Variants in NTM observed in about 807,000 individuals in gnomAD.
The protein encoded by NTM is IgLON family member 2.
In NTM, 13 loss-of-function variants were observed where a neutral mutation model predicts 42.1. That is an observed-to-expected ratio of 0.31 (90% CI 0.20 to 0.49). NTM has a LOEUF of 0.49. NTM is among the 20% of genes least tolerant of loss of function. The probability of loss-of-function intolerance (pLI) is 0.99; values close to 1 mark genes in which losing one functional copy is unlikely to be tolerated. For missense variants in NTM, 373 were observed against 452.8 expected, an observed-to-expected ratio of 0.82 and a Z score of 1.60; for synonymous variants, 187 against 179.2, an observed-to-expected ratio of 1.04 and a Z score of -0.35.
At chr11:132,123,919 C>T (rs1341816918) in intron 2 of NTM, among the ~76,000 whole-genome samples, 1 of 152,162 alleles carries the variant, frequency 6.6e-6, no homozygotes, top group Non-Finnish European at 1.5e-5. Flanking sequence ...AGAGTTGTAC[C>T]TTGCCTTAGA....
chr11:131,656,942 C>T (rs1280081778), intron 1 of NTM, among the ~76,000 whole-genome samples: 1 of 151,990 alleles, frequency 6.6e-6, no homozygotes, highest in African/African-American at 2.4e-5. Flanking sequence ...CCGTGAGCCA[C>T]CGTGGTGGTC....
chr11:131,471,341 T>C (rs1359286577), intron 1 of NTM, among the ~76,000 whole-genome samples: 1 of 152,218 alleles, frequency 6.6e-6, no homozygotes, highest in Non-Finnish European at 1.5e-5. Context: ...GTGCTCTCTG[T>C]CAGGCACTGT....
chr11:132,330,722 A>C (rs2095787512), intron 8 of NTM, among the ~76,000 whole-genome samples: 1 of 152,068 alleles, frequency 6.6e-6, no homozygotes, highest in Non-Finnish European at 1.5e-5. Flanking sequence ...GATAATTGAC[A>C]CTCATCACCG....
rs1202536422 is a variant in NTM, at chr11:132,144,355, C to T, written c.168-1927C>T. Among the ~76,000 whole-genome samples, 6 of 152,152 alleles carry T rather than the reference C, an allele frequency of 3.9e-5. No individual in the cohort carries two copies. The East Asian group carries it at 1.2e-3, about 29-fold the overall frequency. On this transcript the variant is annotated intron_variant, in intron 2 of 8. Coordinates refer to ENST00000683400, the MANE Select transcript of NTM (RefSeq NM_001352005.2). ...GAAATCCCCAGGGGGCTCATGTGCA[C>T]CGTAAAGCTTGAGAAACATGTGGAG...
At chr11:131,567,891 G>A (rs549388146) in intron 1 of NTM, among the ~76,000 whole-genome samples, 2 of 152,194 alleles carry the variant, frequency 1.3e-5, no homozygotes, top group African/African-American at 2.4e-5. Flanking sequence ...ACAGACATTT[G>A]TAGTGACAGA....
At chr11:132,173,489 A>G (rs1220267279) in intron 3 of NTM, among the ~76,000 whole-genome samples, 3 of 152,200 alleles carry the variant, frequency 2.0e-5, no homozygotes, top group East Asian at 1.9e-4. Flanking sequence ...CATTGCTGCC[A>G]CTATTCTTGT....
At chr11:131,962,813 C>A (rs984969337) in intron 2 of NTM, among the ~76,000 whole-genome samples, 2 of 152,244 alleles carry the variant, frequency 1.3e-5, no homozygotes, top group Admixed American at 1.3e-4. Flanking sequence ...GAAAACATCC[C>A]TCCCTCCTTC....
intron 1 of NTM, among the ~76,000 whole-genome samples, chr11:131,714,037 T>C (rs1251404632): frequency 3.3e-5 from 5 of 152,194 alleles, no homozygotes; most frequent in African/African-American, 1.2e-4. Flanking sequence ...CACTTGAGGC[T>C]TTCTTCCCTT....
chr11:132,211,997 T>A (rs749474916), intron 3 of NTM, 25 bp from the exon 4 acceptor site: 1 of 1,602,114 alleles, frequency 6.2e-7, no homozygotes. Flanking sequence ...AGGATTTTTA[T>A]TTTCATTCTG....
chr11:132,334,881 G>A (rs887133669), intron 8 of NTM, 165 bp from the exon 9 acceptor site: 3 of 676,338 alleles, frequency 4.4e-6, no homozygotes, highest in African/African-American at 2.0e-5. Flanking sequence ...TTGGGGATGT[G>A]GGCCATAGAA....
intron 1 of NTM, among the ~76,000 whole-genome samples, chr11:131,643,847 AAAG>A (rs2065442179): frequency 6.6e-6 from 1 of 152,186 alleles, no homozygotes; most frequent in East Asian, 1.9e-4. Context: ...GAGAGTTGTA[AAAG>A]AAGACTGAGA....
At chr11:132,315,260 G>A (rs1168202220) in intron 7 of NTM, among the ~76,000 whole-genome samples, 6 of 152,108 alleles carry the variant, frequency 3.9e-5, no homozygotes, top group Middle Eastern at 3.2e-3. Context: ...CCCCACCTTC[G>A]TCACATATCT....
chr11:131,612,278 C>T (rs1369234605), intron 1 of NTM, among the ~76,000 whole-genome samples: 3 of 152,238 alleles, frequency 2.0e-5, no homozygotes, highest in Non-Finnish European at 4.4e-5. Context: ...AACTGCTCAG[C>T]CAGGCTGCTG....
chr11:132,318,097 T>C (rs140789768), intron 7 of NTM, among the ~76,000 whole-genome samples: 29 of 152,212 alleles, frequency 1.9e-4, no homozygotes, highest in African/African-American at 6.5e-4. Context: ...ATTCAGATAT[T>C]CTGTCAAACG....
chr11:131,657,635 G>T (rs1168679291), intron 1 of NTM, among the ~76,000 whole-genome samples: 1 of 152,198 alleles, frequency 6.6e-6, no homozygotes, highest in African/African-American at 2.4e-5. Context: ...TTATCTGTGT[G>T]CCTTGCCAGG....
intron 7 of NTM, 97 bp from the exon 8 acceptor site, chr11:132,330,056 C>G (rs1309852057): frequency 6.5e-7 from 1 of 1,527,452 alleles, no homozygotes; most frequent in African/African-American, 1.4e-5. Flanking sequence ...GCTGCTGCGC[C>G]AGGAGCGCCA....
intron 1 of NTM, among the ~76,000 whole-genome samples, chr11:131,553,718 G>A (rs554803236): frequency 3.9e-5 from 6 of 152,096 alleles, no homozygotes; most frequent in South Asian, 2.1e-4. Context: ...CTACTCTCCC[G>A]TCTATATAAT....
At chr11:132,093,171 C>A (rs937493551) in intron 2 of NTM, among the ~76,000 whole-genome samples, 1 of 152,172 alleles carries the variant, frequency 6.6e-6, no homozygotes, top group Non-Finnish European at 1.5e-5. Flanking sequence ...TTTCTACCCT[C>A]GAATCTTCAC....
chr11:131,653,264 T>C (rs1280528937), intron 1 of NTM, among the ~76,000 whole-genome samples: 1 of 89,818 alleles, frequency 1.1e-5, no homozygotes, highest in African/African-American at 3.3e-5. Context: ...GTCTCACATG[T>C]CTCCCTCCAC....
Sources: allele counts gnomAD v4.1 joint callset (sites outside exome capture counted in the v4.1 genomes callset), GRCh38; gene constraint gnomAD v4.1.1; transcripts MANE v1.5; gene names NCBI Gene and HGNC (gene_info 2026-07-23, HGNC 2026-07-21).